The following MMP16 variants were observed in gnomAD, a reference collection of about 807,000 sequenced individuals.
The protein encoded by MMP16 is matrix metalloproteinase-16.
A neutral mutation model predicts 67.8 loss-of-function variants in MMP16; 12 were observed. That is an observed-to-expected ratio of 0.18 (90% CI 0.11 to 0.29). The LOEUF is 0.29. Among genes scored for constraint, MMP16 ranks in the 10% least tolerant of loss-of-function variants. The pLI is 1.00. For synonymous variants in MMP16, 249 were observed against 255.9 expected (o/e 0.97, Z 0.26); for missense variants, 475 against 765.7 (o/e 0.62, Z 4.48).
intron 8 of MMP16, among the ~76,000 whole-genome samples, chr8:88,047,539 T>C (rs1808213998): frequency 6.6e-6 from 1 of 152,134 alleles, no homozygotes. Context: ...TGAGGAGCAA[T>C]ACATGCAGTC....
chr8:88,125,955 CATA>C (rs1807923959), intron 4 of MMP16, among the ~76,000 whole-genome samples: 1 of 151,840 alleles, frequency 6.6e-6, no homozygotes, highest in Non-Finnish European at 1.5e-5. Context: ...AAAGTAATCA[CATA>C]ATAAATTGCA....
chr8:88,268,210 C>G (rs886736169), intron 1 of MMP16, among the ~76,000 whole-genome samples: 1 of 152,014 alleles, frequency 6.6e-6, no homozygotes, highest in Non-Finnish European at 1.5e-5. Flanking sequence ...GGCGTGGTGG[C>G]GCATGCCTCT....
intron 1 of MMP16, 72 bp from the exon 2 acceptor site, chr8:88,197,378 T>G: frequency 7.6e-7 from 1 of 1,313,660 alleles, no homozygotes; most frequent in South Asian, 1.7e-5. Flanking sequence ...AATTAATGTA[T>G]ATCTATAATA....
At position 88,074,596 on chromosome 8, in the gene MMP16, C is replaced by T. The variant is rs1808612920; in HGVS notation, c.1222+9G>A. 2 of 1,612,230 alleles carry T rather than the reference C, an allele frequency of 1.2e-6. No homozygotes were observed. The highest frequency in any genetic ancestry group is 1.7e-6 in the Non-Finnish European group (2 of 1,178,992). Reference sequence around the variant, plus strand: ...ATACAACATAGCCAGATATGGAAAACATCCTTACCTTTAAAGAACACAAAA... The same window carrying T: ...ATACAACATAGCCAGATATGGAAAATATCCTTACCTTTAAAGAACACAAAA... On this transcript the variant is annotated intron_variant, in intron 7 of 9. Coordinates refer to ENST00000286614, the MANE Select transcript of MMP16 (RefSeq NM_005941.5).
chr8:88,116,497 A>C lies in MMP16; in HGVS notation c.1083+10T>G. 6.2e-7 allele frequency: 1 copy of C among 1,605,604 alleles called. No individual in the cohort carries two copies. Among genetic ancestry groups the C allele is most frequent in the South Asian group, 1.1e-5 (1 of 90,160 alleles). On this transcript the variant is annotated intron_variant, in intron 6 of 9. Coordinates refer to ENST00000286614, the MANE Select transcript of MMP16 (RefSeq NM_005941.5). ...CTACTGTTAAAAAAAAAAAAATCAC[A>C]GTCTCCTACCTTGAAAACAAACATC... is the stretch of plus-strand genomic sequence containing the variant.
In MMP16 at chr8:88,116,672, C is replaced by A. The variant is rs371242753; in HGVS notation, c.918G>T (p.Val306=). 1.9e-6 allele frequency: 3 copies of A among 1,613,714 alleles called. No homozygotes were observed. Among genetic ancestry groups the A allele is most frequent in the African/African-American group, 1.3e-5 (1 of 74,966 alleles). The change falls in exon 6 of 10, where the codon GTG becomes GTT. Residue 306 remains valine, a synonymous_variant. Transcript: ENST00000286614. ...CCGGAGGAATAGAGCGGTGTGGGGG[C>A]ACTGTCGGTAGAGGTCTTGTAGGTG... ...IPPPTRPLPT[V]PPHRSIPPAD...
chr8:88,068,606 A>T (rs772742945), intron 7 of MMP16, among the ~76,000 whole-genome samples: 1 of 152,042 alleles, frequency 6.6e-6, no homozygotes, highest in Non-Finnish European at 1.5e-5. Flanking sequence ...GTTTTTTTAC[A>T]TGTATCTTTG....
At chr8:88,293,887 C>T (rs1242232892) in intron 1 of MMP16, among the ~76,000 whole-genome samples, 1 of 152,052 alleles carries the variant, frequency 6.6e-6, no homozygotes, top group African/African-American at 2.4e-5. Flanking sequence ...TGACCAACTA[C>T]TGTGCCAGAC....
intron 4 of MMP16, among the ~76,000 whole-genome samples, chr8:88,128,251 A>G (rs1807968598): frequency 6.6e-6 from 1 of 151,884 alleles, no homozygotes; most frequent in South Asian, 2.1e-4. Context: ...CTGCTTTCTA[A>G]GCATACACAT....
At chr8:88,175,961 G>GA (rs1808883516) in intron 3 of MMP16, among the ~76,000 whole-genome samples, 1 of 152,160 alleles carries the variant, frequency 6.6e-6, no homozygotes. Context: ...CCATGATTGT[G>GA]AGGCCTCCCT....
intron 1 of MMP16, among the ~76,000 whole-genome samples, chr8:88,310,891 AAAG>A (rs1164908271): frequency 9.9e-5 from 15 of 152,132 alleles, no homozygotes; most frequent in African/African-American, 3.4e-4. Context: ...GGCACAAGGA[AAAG>A]AAGGAGGTGG....
At chr8:88,118,000 T>G (rs955619530) in intron 5 of MMP16, among the ~76,000 whole-genome samples, 1 of 152,108 alleles carries the variant, frequency 6.6e-6, no homozygotes, top group African/African-American at 2.4e-5. Context: ...AATGGTTGTA[T>G]GAGGAAGTTA....
chr8:88,128,582 GA>G (rs149516502), intron 4 of MMP16, among the ~76,000 whole-genome samples: 12,215 of 151,776 alleles, frequency 0.08, 531 homozygotes, highest in African/African-American at 0.11. Flanking sequence ...TACAACCTAG[GA>G]ATGTCTTTCT....
At chr8:88,045,706 G>A (rs1297746352) in intron 9 of MMP16, among the ~76,000 whole-genome samples, 1 of 152,034 alleles carries the variant, frequency 6.6e-6, no homozygotes, top group Non-Finnish European at 1.5e-5. Flanking sequence ...GTTTTCAGTG[G>A]TAGTATGATT....
chr8:88,110,743 C>T (rs1809321144), intron 6 of MMP16, among the ~76,000 whole-genome samples: 1 of 151,542 alleles, frequency 6.6e-6, no homozygotes, highest in South Asian at 2.1e-4. Context: ...TCACTCACCT[C>T]CTTTATATCA....
At chr8:88,106,612 A>C (rs1028845526) in intron 6 of MMP16, among the ~76,000 whole-genome samples, 2 of 151,184 alleles carry the variant, frequency 1.3e-5, no homozygotes, top group Non-Finnish European at 1.5e-5. Flanking sequence ...AGTTCCCCAC[A>C]TTTTCACAAA....
intron 9 of MMP16, among the ~76,000 whole-genome samples, chr8:88,042,652 A>G (rs1177481015): frequency 1.3e-5 from 2 of 152,186 alleles, no homozygotes; most frequent in African/African-American, 2.4e-5. Context: ...AGTACCTTAT[A>G]TTTCATGGGG....
chr8:88,216,308 C>A (rs1013342641), intron 1 of MMP16, among the ~76,000 whole-genome samples: 1 of 151,958 alleles, frequency 6.6e-6, no homozygotes, highest in Non-Finnish European at 1.5e-5. Context: ...GGTTAAATAA[C>A]AAAGTTTTAA....
chr8:88,093,658 T>C (rs1396036127), intron 6 of MMP16, among the ~76,000 whole-genome samples: 2 of 151,884 alleles, frequency 1.3e-5, no homozygotes, highest in East Asian at 1.9e-4. Context: ...AAAATTAAGA[T>C]AATAATTACA....
Sources: gnomAD v4.1 joint callset for allele counts (sites outside exome capture counted in the v4.1 genomes callset) on GRCh38, gnomAD v4.1.1 for gene constraint, MANE v1.5 for transcripts, NCBI Gene and HGNC (gene_info 2026-07-23, HGNC 2026-07-21) for gene names.